PIP5K1B: variants seen among roughly 807,000 people sequenced by gnomAD.
PIP5K1B encodes phosphatidylinositol-4-phosphate 5-kinase type 1 beta.
In PIP5K1B, 42 loss-of-function variants were observed where a neutral mutation model predicts 67.0. That is an observed-to-expected ratio of 0.63 (90% CI 0.49 to 0.81). The LOEUF (loss-of-function observed/expected upper bound fraction) is 0.81, where lower values mean the gene tolerates loss of function less well. Among genes scored for constraint, PIP5K1B ranks in the 30% least tolerant of loss-of-function variants. PIP5K1B has a pLI of 0.00. For missense variants in PIP5K1B, 459 were observed against 646.3 expected, an observed-to-expected ratio of 0.71 and a Z score of 3.14; for synonymous variants, 214 against 231.4, an observed-to-expected ratio of 0.92 and a Z score of 0.68.
At chr9:68,963,794 G>A (rs559856766) in intron 14 of PIP5K1B, among the ~76,000 whole-genome samples, 2 of 152,234 alleles carry the variant, frequency 1.3e-5, no homozygotes, top group East Asian at 3.9e-4. Context: ...TTACACTTTA[G>A]ACAATAGATC....
At chr9:68,992,122 C>T (rs1460737205) in intron 15 of PIP5K1B, among the ~76,000 whole-genome samples, 1 of 152,162 alleles carries the variant, frequency 6.6e-6, no homozygotes, top group Non-Finnish European at 1.5e-5. Flanking sequence ...TGTGCCACCA[C>T]GCCTGGCTAA....
chr9:68,870,905 A>G (rs1823594461), intron 5 of PIP5K1B, among the ~76,000 whole-genome samples: 1 of 152,210 alleles, frequency 6.6e-6, no homozygotes, highest in South Asian at 2.1e-4. Context: ...TGAAATAAAC[A>G]AAGCTCACTA....
intron 6 of PIP5K1B, among the ~76,000 whole-genome samples, chr9:68,877,488 C>T (rs1823956069): frequency 6.6e-6 from 1 of 152,176 alleles, no homozygotes; most frequent in Non-Finnish European, 1.5e-5. Flanking sequence ...TGTTAACACC[C>T]TGGGGGCTCC....
rs558810934 is a variant in PIP5K1B at position 68,735,316 on chromosome 9, C to CTTTTTTTTTTTTTTTTTTTTTTTTT, written c.-242-7181_-242-7157dup. ...CAGATTTGCTGTTTTCCCCTAGTGT[C>CTTTTTTTTTTTTTTTTTTTTTTTTT]TTTTTTTTTTTTTTTTTTTTTTTTT... On this transcript the variant is annotated intron_variant, in intron 1 of 15. Coordinates refer to ENST00000265382, the MANE Select transcript of PIP5K1B (RefSeq NM_003558.4). 8.4e-4 allele frequency among the ~76,000 whole-genome samples: 25 copies of CTTTTTTTTTTTTTTTTTTTTTTTTT among 29,806 alleles called. 10 individuals carry two copies. Among genetic ancestry groups the CTTTTTTTTTTTTTTTTTTTTTTTTT allele is most frequent in the Admixed American group, 2.3e-3 (4 of 1,768 alleles). 19.6% of individuals were successfully genotyped at this position (29,806 alleles called of 152,430 possible).
At chr9:68,968,580 G>T (rs1040186631) in intron 14 of PIP5K1B, among the ~76,000 whole-genome samples, 1 of 150,842 alleles carries the variant, frequency 6.6e-6, no homozygotes, top group Non-Finnish European at 1.5e-5. Context: ...GTGAAACATA[G>T]TATCTACAGA....
intron 14 of PIP5K1B, among the ~76,000 whole-genome samples, chr9:68,960,066 CTT>C (rs2132737116): frequency 6.6e-6 from 1 of 152,326 alleles, no homozygotes; most frequent in South Asian, 2.1e-4. Context: ...CCCCCAGTAT[CTT>C]TTTGAGAAAA....
intron 14 of PIP5K1B, among the ~76,000 whole-genome samples, chr9:68,980,541 G>C (rs559667090): frequency 6.6e-6 from 1 of 152,316 alleles, no homozygotes; most frequent in South Asian, 2.1e-4. Flanking sequence ...TAAGAGTCCT[G>C]TTGATACTCC....
intron 3 of PIP5K1B, 122 bp from the exon 4 acceptor site, chr9:68,822,493 A>C: frequency 1.5e-6 from 1 of 651,396 alleles, no homozygotes; most frequent in South Asian, 2.2e-5. Context: ...CCTTAGGAAC[A>C]ACAGCAATAG....
chr9:68,980,080 G>A (rs895421676), intron 14 of PIP5K1B, among the ~76,000 whole-genome samples: 5 of 152,180 alleles, frequency 3.3e-5, no homozygotes, highest in African/African-American at 4.8e-5. Flanking sequence ...TGAAGGAGCC[G>A]CTCTGTCCTG....
rs117957752 is a variant in PIP5K1B, at chr9:68,935,008, G to T, written c.1320G>T (p.Leu440=). 2 of 1,613,738 alleles carry T rather than the reference G, an allele frequency of 1.2e-6. No homozygotes were observed. Among genetic ancestry groups the T allele is most frequent in the East Asian group, 2.2e-5 (1 of 44,846 alleles). ...GGAAGGATGAGAAGCGGGATTTGCT[G>T]ACTGAAGGACAAAGTTTTAGCAGCC... ...QEWKDEKRDL[L]TEGQSFSSLD... Residue 440 remains leucine, a synonymous_variant, in exon 13 of 16, where the codon CTG becomes CTT. Transcript: ENST00000265382.
At chr9:68,767,825 AGTTT>A (rs1204500436) in intron 2 of PIP5K1B, among the ~76,000 whole-genome samples, 1 of 152,082 alleles carries the variant, frequency 6.6e-6, no homozygotes, top group Non-Finnish European at 1.5e-5. Flanking sequence ...TGACTGTTTA[AGTTT>A]GTCAAAACTA....
intron 1 of PIP5K1B, among the ~76,000 whole-genome samples, chr9:68,735,916 G>A (rs1682842281): frequency 6.6e-6 from 1 of 152,210 alleles, no homozygotes. Context: ...GGAGCAAACA[G>A]TGCAAAAGCC....
chr9:68,720,121 T>G (rs1348449123), intron 1 of PIP5K1B, among the ~76,000 whole-genome samples: 2 of 152,244 alleles, frequency 1.3e-5, no homozygotes, highest in South Asian at 4.1e-4. Context: ...ATTATTATCA[T>G]TGTTGAATGA....
At position 69,008,904 on chromosome 9, in the gene PIP5K1B, T is replaced by C. The variant is rs1198385351; in HGVS notation, c.*455T>C. ...TTTTGCAAAATTATAGTTCATGTCA[T>C]TGAAAGTTTAAATTGGTTTCATTTA... On this transcript the variant is annotated 3_prime_UTR_variant, in exon 16 of 16. Coordinates refer to ENST00000265382, the MANE Select transcript of PIP5K1B (RefSeq NM_003558.4). The C allele has an allele frequency of 6.3e-6, 1 of 159,608 alleles. No homozygotes were observed. Among genetic ancestry groups the C allele is most frequent in the Non-Finnish European group, 1.4e-5 (1 of 71,630 alleles). The allele number at this position is 159,608 out of a possible 1,614,324, so 9.9% of individuals were successfully genotyped here.
chr9:68,812,159 T>A (rs1833203360), intron 2 of PIP5K1B, among the ~76,000 whole-genome samples: 1 of 152,222 alleles, frequency 6.6e-6, no homozygotes. Flanking sequence ...TTAAAATGAC[T>A]GCATCCCATG....
chr9:68,968,933 T>C (rs1829193247), intron 14 of PIP5K1B, among the ~76,000 whole-genome samples: 1 of 152,026 alleles, frequency 6.6e-6, no homozygotes, highest in South Asian at 2.1e-4. Flanking sequence ...AGGGAGGCAT[T>C]GTAAGGGAGG....
At chr9:68,955,915 A>T (rs920222056) in intron 14 of PIP5K1B, among the ~76,000 whole-genome samples, 1 of 152,302 alleles carries the variant, frequency 6.6e-6, no homozygotes, top group South Asian at 2.1e-4. Flanking sequence ...AGCTTTACAG[A>T]TATTATTTTA....
chr9:68,837,436 T>C (rs570755275), intron 4 of PIP5K1B, among the ~76,000 whole-genome samples: 3 of 152,334 alleles, frequency 2.0e-5, no homozygotes, highest in Non-Finnish European at 4.4e-5. Flanking sequence ...TAATTTGCAT[T>C]ATTATTGTAA....
intron 4 of PIP5K1B, among the ~76,000 whole-genome samples, chr9:68,842,888 T>G (rs530300680): frequency 1.3e-5 from 2 of 152,240 alleles, no homozygotes; most frequent in Non-Finnish European, 2.9e-5. Context: ...TTGATTAATT[T>G]AGAAACAGCT....
Sources: gnomAD v4.1 joint callset for allele counts (sites outside exome capture counted in the v4.1 genomes callset) on GRCh38, gnomAD v4.1.1 for gene constraint, MANE v1.5 for transcripts, NCBI Gene and HGNC (gene_info 2026-07-23, HGNC 2026-07-21) for gene names.